The following PIP5K1B variants were observed in gnomAD, a reference collection of about 807,000 sequenced individuals.
PIP5K1B encodes phosphatidylinositol 4-phosphate 5-kinase type-1 beta.
PIP5K1B carries 42 observed loss-of-function variants against 67.0 expected under a neutral mutation model. That is an observed-to-expected ratio of 0.63 (90% CI 0.49 to 0.81). The LOEUF (loss-of-function observed/expected upper bound fraction) is 0.81. PIP5K1B is among the 30% of genes least tolerant of loss of function. PIP5K1B has a pLI of 0.00. For synonymous variants in PIP5K1B, 214 were observed against 231.4 expected, an observed-to-expected ratio of 0.92 and a Z score of 0.68; for missense variants, 459 against 646.3, an observed-to-expected ratio of 0.71 and a Z score of 3.14.
intron 14 of PIP5K1B, among the ~76,000 whole-genome samples, chr9:68,950,413 G>A (rs1828000886): frequency 6.6e-6 from 1 of 152,168 alleles, no homozygotes; most frequent in South Asian, 2.1e-4. Flanking sequence ...ACCCTAGAGA[G>A]CCCCTGGCCA....
At chr9:68,878,322 A>G (rs1202375980) in intron 6 of PIP5K1B, among the ~76,000 whole-genome samples, 1 of 151,988 alleles carries the variant, frequency 6.6e-6, no homozygotes, top group Non-Finnish European at 1.5e-5. Flanking sequence ...GCCCTCCCAT[A>G]TCCATTGCCC....
At chr9:68,924,247 C>T (rs1459844453) in intron 12 of PIP5K1B, among the ~76,000 whole-genome samples, 1 of 150,352 alleles carries the variant, frequency 6.7e-6, no homozygotes, top group Non-Finnish European at 1.5e-5. Flanking sequence ...ACTAAAAATA[C>T]AAAAATTAGC....
At chr9:69,001,110 T>C (rs1830807568) in intron 15 of PIP5K1B, among the ~76,000 whole-genome samples, 1 of 151,860 alleles carries the variant, frequency 6.6e-6, no homozygotes, top group African/African-American at 2.4e-5. Flanking sequence ...TTTCAGCATG[T>C]GGGCCAGGCT....
chr9:68,781,155 C>T, intron 2 of PIP5K1B: 8 of 1,258,296 alleles, frequency 6.4e-6, no homozygotes, highest in South Asian at 3.0e-5. Context: ...TTGAAATTCC[C>T]TGAAATGATG....
chr9:68,748,754 G>A (rs941337184), intron 2 of PIP5K1B, among the ~76,000 whole-genome samples: 6 of 151,614 alleles, frequency 4.0e-5, no homozygotes, highest in Non-Finnish European at 5.9e-5. Context: ...CCTGAGTAGT[G>A]GGATTACAGG....
intron 6 of PIP5K1B, among the ~76,000 whole-genome samples, chr9:68,884,219 T>C (rs536147569): frequency 9.6e-4 from 146 of 152,190 alleles, no homozygotes; most frequent in African/African-American, 3.1e-3. Context: ...AATCTACAGA[T>C]TGGGTAAAAA....
At chr9:68,822,245 G>A (rs1833762903) in intron 3 of PIP5K1B, among the ~76,000 whole-genome samples, 2 of 151,946 alleles carry the variant, frequency 1.3e-5, no homozygotes, top group South Asian at 4.1e-4. Flanking sequence ...TGCTTGAACT[G>A]AAGAGTTTGA....
chr9:68,973,504 A>G (rs989049360), intron 14 of PIP5K1B, among the ~76,000 whole-genome samples: 1 of 152,248 alleles, frequency 6.6e-6, no homozygotes, highest in Admixed American at 6.5e-5. Context: ...AAAAGGGTAT[A>G]TAGTTTCAGT....
At chr9:68,835,957 C>T (rs1834585010) in intron 4 of PIP5K1B, among the ~76,000 whole-genome samples, 1 of 151,980 alleles carries the variant, frequency 6.6e-6, no homozygotes, top group Admixed American at 6.6e-5. Flanking sequence ...TTCAAGAACC[C>T]TTTTTCCTCA....
chr9:68,795,734 T>C (rs1019162087), intron 2 of PIP5K1B, among the ~76,000 whole-genome samples: 2 of 152,214 alleles, frequency 1.3e-5, no homozygotes, highest in Non-Finnish European at 2.9e-5. Flanking sequence ...CAGTGAGCTT[T>C]CCTTTTAGTT....
intron 3 of PIP5K1B, among the ~76,000 whole-genome samples, chr9:68,821,266 A>G (rs1322884146): frequency 6.6e-6 from 1 of 152,254 alleles, no homozygotes; most frequent in Non-Finnish European, 1.5e-5. Flanking sequence ...AAAAACAAAC[A>G]AAAAGGCAGA....
chr9:68,868,478 G>A (rs1192400203), intron 5 of PIP5K1B, among the ~76,000 whole-genome samples: 1 of 152,166 alleles, frequency 6.6e-6, no homozygotes, highest in Non-Finnish European at 1.5e-5. Context: ...CTTAGCCCAA[G>A]GCTATCCAGC....
intron 14 of PIP5K1B, among the ~76,000 whole-genome samples, chr9:68,988,881 G>C (rs774322353): frequency 8.6e-5 from 13 of 151,954 alleles, no homozygotes; most frequent in Non-Finnish European, 1.6e-4. Context: ...TGAATCACGA[G>C]GTCAGGAGTT....
rs189432421 is a variant in PIP5K1B at position 68,774,720 on chromosome 9, A to G, written c.-86+32063A>G. ...CAAGGGGAAACATTCCAAGACCCCC[A>G]GTGGATGCCTGAAACTGCAGAAACC... On this transcript the variant is annotated intron_variant, in intron 2 of 15. Transcript: ENST00000265382. Among the ~76,000 whole-genome samples the G allele has an allele frequency of 1.4e-4, 21 of 152,322 alleles. No homozygotes were observed. The East Asian group carries it at 4.0e-3, about 29-fold the overall frequency.
chr9:68,748,585 C>T (rs1359630719), intron 2 of PIP5K1B, among the ~76,000 whole-genome samples: 6 of 150,594 alleles, frequency 4.0e-5, no homozygotes, highest in Non-Finnish European at 8.8e-5. Context: ...GTAGGCACCA[C>T]TCGGCGGCTG....
At chr9:68,749,006 C>A (rs1829481688) in intron 2 of PIP5K1B, among the ~76,000 whole-genome samples, 1 of 152,172 alleles carries the variant, frequency 6.6e-6, no homozygotes, top group Non-Finnish European at 1.5e-5. Context: ...TCAAATCCCG[C>A]CTCTACCCCT....
chr9:68,857,900 G>A (rs1822862720), intron 4 of PIP5K1B, among the ~76,000 whole-genome samples: 1 of 151,920 alleles, frequency 6.6e-6, no homozygotes, highest in Admixed American at 6.6e-5. Context: ...TAAATAAATG[G>A]GGAGGCTGGT....
intron 14 of PIP5K1B, among the ~76,000 whole-genome samples, chr9:68,947,118 T>C (rs778301811): frequency 4.6e-5 from 7 of 152,228 alleles, no homozygotes; most frequent in African/African-American, 7.2e-5. Flanking sequence ...TGGAGTGCTT[T>C]GTTAGAGTCC....
chr9:68,933,424 A>G (rs1469023493), intron 12 of PIP5K1B, among the ~76,000 whole-genome samples: 1 of 152,220 alleles, frequency 6.6e-6, no homozygotes, highest in Admixed American at 6.5e-5. Context: ...AACATAACTT[A>G]TTTTTTAAAC....
Sources: gnomAD v4.1 joint callset for allele counts (sites outside exome capture counted in the v4.1 genomes callset) on GRCh38, gnomAD v4.1.1 for gene constraint, MANE v1.5 for transcripts, NCBI Gene and HGNC (gene_info 2026-07-23, HGNC 2026-07-21) for gene names.